ZBTB8A: variants seen among roughly 807,000 people sequenced by gnomAD.
ZBTB8A encodes the protein zinc finger and BTB domain containing 8A, also known as zinc finger and BTB domain-containing protein 8A.
Under a neutral mutation model 37.8 loss-of-function variants are expected in ZBTB8A, and 19 were observed. The observed-to-expected ratio is 0.50, with a 90% CI of 0.35 to 0.74. The LOEUF is 0.74. Among genes scored for constraint, ZBTB8A ranks in the 30% least tolerant of loss-of-function variants. The pLI, the probability that ZBTB8A is intolerant of heterozygous loss-of-function variation, is 0.01. For missense variants in ZBTB8A, 394 were observed against 537.8 expected (o/e 0.73, Z 2.65); for synonymous variants, 181 against 185.2 (o/e 0.98, Z 0.19).
At chr1:32,571,317 A>C in intron 2 of ZBTB8A, among the ~76,000 whole-genome samples, 1 of 152,312 alleles carries the variant, frequency 6.6e-6, no homozygotes, top group Non-Finnish European at 1.5e-5. Flanking sequence ...CAGTTAAGTA[A>C]GATATTAGCA....
chr1:32,597,668 A>G (rs1464622742), intron 4 of ZBTB8A, among the ~76,000 whole-genome samples: 1 of 152,228 alleles, frequency 6.6e-6, no homozygotes, highest in East Asian at 1.9e-4. Flanking sequence ...TAGAAGATAC[A>G]TATTTTGGAG....
chr1:32,577,101 T>C (rs1260828178), intron 2 of ZBTB8A, among the ~76,000 whole-genome samples: 1 of 151,720 alleles, frequency 6.6e-6, no homozygotes, highest in African/African-American at 2.4e-5. Flanking sequence ...TCTCGACTCT[T>C]GACCTCAGGT....
At chr1:32,560,624 T>C (rs1420408032) in intron 2 of ZBTB8A, among the ~76,000 whole-genome samples, 3 of 138,030 alleles carry the variant, frequency 2.2e-5, no homozygotes, top group African/African-American at 8.1e-5. Context: ...TCTTTTTTTT[T>C]TTTTTTTTTT....
chr1:32,544,357 T>C (rs1022916603), intron 1 of ZBTB8A, among the ~76,000 whole-genome samples: 1 of 152,248 alleles, frequency 6.6e-6, no homozygotes, highest in African/African-American at 2.4e-5. Flanking sequence ...CATAATACTA[T>C]AGGCATTTGT....
At chr1:32,579,555 G>C (rs147356135) in intron 2 of ZBTB8A, among the ~76,000 whole-genome samples, 159 of 152,242 alleles carry the variant, frequency 1.0e-3, no homozygotes, top group African/African-American at 3.8e-3. Flanking sequence ...CCTGTGAAGA[G>C]TTATTGATCT....
intron 1 of ZBTB8A, among the ~76,000 whole-genome samples, chr1:32,540,865 G>A (rs1466786534): frequency 6.6e-6 from 1 of 152,136 alleles, no homozygotes; most frequent in Non-Finnish European, 1.5e-5. Flanking sequence ...CTGGCTTAGG[G>A]CCCTTGATCA....
intron 1 of ZBTB8A, 129 bp downstream of exon 1, chr1:32,539,701 G>C (rs1192110895): frequency 0.12 from 111 of 894 alleles, no homozygotes; most frequent in Non-Finnish European, 0.16. Context: ...CCCCGGGCGC[G>C]CCTCCCCCAG....
chr1:32,552,477 A>G (rs975521010), intron 1 of ZBTB8A, among the ~76,000 whole-genome samples: 1 of 152,162 alleles, frequency 6.6e-6, no homozygotes, highest in Non-Finnish European at 1.5e-5. Context: ...CAGTCTGGCC[A>G]ACACGGAAAA....
At chr1:32,572,449 A>G (rs1387754861) in intron 2 of ZBTB8A, among the ~76,000 whole-genome samples, 1 of 150,302 alleles carries the variant, frequency 6.7e-6, no homozygotes, top group Non-Finnish European at 1.5e-5. Context: ...AGGCTGGAGT[A>G]CAGTGGCGTG....
chr1:32,586,234 G>A (rs1644448077), intron 2 of ZBTB8A, among the ~76,000 whole-genome samples: 2 of 151,970 alleles, frequency 1.3e-5, no homozygotes, highest in Admixed American at 1.3e-4. Context: ...CAGGAGAATT[G>A]CTTGAACCCG....
chr1:32,541,100 T>C (rs1419477610), intron 1 of ZBTB8A, among the ~76,000 whole-genome samples: 1 of 151,746 alleles, frequency 6.6e-6, no homozygotes, highest in Non-Finnish European at 1.5e-5. Context: ...GTAATAGACT[T>C]AACTCAGTGA....
chr1:32,594,515 C>T (rs1644514727), intron 3 of ZBTB8A, among the ~76,000 whole-genome samples: 1 of 151,948 alleles, frequency 6.6e-6, no homozygotes. Context: ...GTAATCCCAG[C>T]ACTTTGGGAG....
At chr1:32,542,329 G>C (rs748646804) in intron 1 of ZBTB8A, among the ~76,000 whole-genome samples, 1 of 151,940 alleles carries the variant, frequency 6.6e-6, no homozygotes, top group Non-Finnish European at 1.5e-5. Context: ...CCAAGGCCTC[G>C]GGGGTCGGGG....
intron 2 of ZBTB8A, among the ~76,000 whole-genome samples, chr1:32,591,679 G>T (rs1344207596): frequency 1.3e-5 from 2 of 152,096 alleles, no homozygotes; most frequent in African/African-American, 4.8e-5. Flanking sequence ...TTGGGAGGCT[G>T]AGGCCAGAGG....
intron 2 of ZBTB8A, among the ~76,000 whole-genome samples, chr1:32,580,427 A>C (rs564000668): frequency 1.3e-5 from 2 of 151,946 alleles, no homozygotes; most frequent in Admixed American, 6.6e-5. Context: ...GCACATGCCT[A>C]TAGTCCCAGC....
chr1:32,539,711 GACGTC>G (rs1331131137), intron 1 of ZBTB8A, 139 bp downstream of exon 1: 142 of 1,138 alleles, frequency 0.12, 1 homozygote, highest in Admixed American at 0.15. Context: ...GCCTCCCCCA[GACGTC>G]CCCGGGCCGG....
At chr1:32,549,153 A>G (rs1270344348) in intron 1 of ZBTB8A, among the ~76,000 whole-genome samples, 1 of 152,110 alleles carries the variant, frequency 6.6e-6, no homozygotes. Flanking sequence ...ACGTCACTGC[A>G]CTGCAACCTG....
At chr1:32,578,914 A>G (rs1644382916) in intron 2 of ZBTB8A, among the ~76,000 whole-genome samples, 1 of 152,010 alleles carries the variant, frequency 6.6e-6, no homozygotes, top group Non-Finnish European at 1.5e-5. Flanking sequence ...GACACTATAA[A>G]TATATATTTT....
chr1:32,602,194 G>A lies in ZBTB8A; in HGVS notation c.*1775G>A, dbSNP rs1232931606. ...AAATACAAAATTAGCCGGGCGTGGT[G>A]GTGCATGCCTGTAATCCCAGCTACT... On this transcript the variant is annotated 3_prime_UTR_variant, in exon 5 of 5. Coordinates refer to ENST00000373510, the MANE Select transcript of ZBTB8A (RefSeq NM_001040441.3). 1 of 152,056 alleles carries A rather than the reference G, an allele frequency of 6.6e-6. No individual in the cohort carries two copies. The highest frequency in any genetic ancestry group is 1.5e-5 in the Non-Finnish European group (1 of 68,070). The allele number at this position is 152,056 out of a possible 1,614,324, so 9.4% of individuals were successfully genotyped here.
Sources: allele counts gnomAD v4.1 joint callset (sites outside exome capture counted in the v4.1 genomes callset), GRCh38; gene constraint gnomAD v4.1.1; transcripts MANE v1.5; gene names NCBI Gene and HGNC (gene_info 2026-07-23, HGNC 2026-07-21).